Variants in FRY observed in about 807,000 individuals in gnomAD.
FRY encodes FRY microtubule binding protein.
Under a neutral mutation model 348.4 loss-of-function variants are expected in FRY, and 128 were observed. The observed-to-expected ratio is 0.37, with a 90% CI of 0.32 to 0.43. FRY has a LOEUF of 0.43. Among genes scored for constraint, FRY ranks in the 20% least tolerant of loss-of-function variants. The pLI is 1.00. For missense variants in FRY, 2,736 were observed against 3,695.2 expected, an observed-to-expected ratio of 0.74 and a Z score of 6.73; for synonymous variants, 1,370 against 1,374.7, an observed-to-expected ratio of 1.00 and a Z score of 0.08.
intron 42 of FRY, 69 bp from the exon 43 acceptor site, chr13:32,236,009 T>C (rs2138449602): frequency 1.8e-6 from 2 of 1,091,038 alleles, no homozygotes; most frequent in African/African-American, 3.1e-5. Context: ...TTTACATTAA[T>C]TAAATTTATC....
intron 1 of FRY, among the ~76,000 whole-genome samples, chr13:32,067,215 C>T (rs532257703): frequency 5.9e-5 from 9 of 152,290 alleles, no homozygotes; most frequent in South Asian, 2.1e-4. Context: ...CTCTTCCCTA[C>T]GTATCAGAAT....
chr13:32,185,905 G>A (rs945013692), intron 26 of FRY, among the ~76,000 whole-genome samples: 7 of 152,126 alleles, frequency 4.6e-5, no homozygotes, highest in Non-Finnish European at 7.4e-5. Flanking sequence ...TGCTATTTCC[G>A]AGTTCTCTTA....
intron 15 of FRY, among the ~76,000 whole-genome samples, chr13:32,156,222 T>C (rs1490207151): frequency 5.9e-5 from 9 of 152,252 alleles, no homozygotes; most frequent in African/African-American, 1.9e-4. Flanking sequence ...TTAAGATAGT[T>C]ACTGGATTCT....
intron 3 of FRY, among the ~76,000 whole-genome samples, chr13:32,104,509 A>G (rs1165183709): frequency 6.6e-6 from 1 of 152,210 alleles, no homozygotes; most frequent in East Asian, 1.9e-4. Flanking sequence ...GTGTGAACCA[A>G]TAGTAAGATG....
At chr13:32,215,776 C>T (rs1204214631) in intron 35 of FRY, among the ~76,000 whole-genome samples, 1 of 152,136 alleles carries the variant, frequency 6.6e-6, no homozygotes, top group Non-Finnish European at 1.5e-5. Context: ...CACTATGTTG[C>T]CCAGGCTGGT....
intron 2 of FRY, chr13:32,086,041 C>T (rs779366602): frequency 1.8e-5 from 9 of 513,100 alleles, no homozygotes; most frequent in African/African-American, 1.5e-4. Context: ...GCGGTAAAAC[C>T]AGAGATTTGA....
intron 8 of FRY, among the ~76,000 whole-genome samples, chr13:32,133,235 C>T (rs1879482869): frequency 6.6e-6 from 1 of 152,180 alleles, no homozygotes; most frequent in Middle Eastern, 3.4e-3. Flanking sequence ...ATTGGGGGGA[C>T]TATGTATCAA....
intron 56 of FRY, among the ~76,000 whole-genome samples, chr13:32,275,536 C>T (rs191781680): frequency 6.6e-6 from 1 of 152,332 alleles, no homozygotes; most frequent in East Asian, 1.9e-4. Context: ...AATCCACCAC[C>T]TCTGCTCCGT....
chr13:32,179,556 G>A (rs757957577), intron 22 of FRY, 119 bp from the exon 23 acceptor site: 1 of 595,090 alleles, frequency 1.7e-6, no homozygotes, highest in Admixed American at 2.3e-5. Flanking sequence ...CTGAAATGAT[G>A]GCAGTGCCTT....
Position 32,116,730 on chromosome 13 carries a change from A to G in FRY, c.325-604A>G, listed in dbSNP as rs1593630890. On this transcript the variant is annotated intron_variant, in intron 3 of 60. Transcript: ENST00000542859. ...TTCCAGATAAGGAAATTAGAATAAC[A>G]ATTCTACCAAAGGCACATTTGTTCT... 2.0e-5 allele frequency among the ~76,000 whole-genome samples: 3 copies of G among 152,288 alleles called. No homozygotes were observed. The South Asian group carries it at 6.2e-4, about 32-fold the overall frequency.
intron 41 of FRY, among the ~76,000 whole-genome samples, chr13:32,233,390 C>T (rs1028851471): frequency 5.0e-4 from 76 of 152,292 alleles, no homozygotes; most frequent in African/African-American, 1.8e-3. Context: ...CAGAGAGGCA[C>T]AGCAAGTATA....
At chr13:32,115,741 T>C (rs917334016) in intron 3 of FRY, among the ~76,000 whole-genome samples, 8 of 152,072 alleles carry the variant, frequency 5.3e-5, no homozygotes, top group Non-Finnish European at 1.0e-4. Flanking sequence ...CTTTCTAAAA[T>C]AGTCCCAGGT....
At chr13:32,139,498 G>A (rs142728558) in intron 11 of FRY, among the ~76,000 whole-genome samples, 63 of 152,282 alleles carry the variant, frequency 4.1e-4, no homozygotes, top group Admixed American at 3.1e-3. Flanking sequence ...AGAAGTGTGC[G>A]TGAGCGTGAA....
chr13:32,164,799 C>A, intron 17 of FRY, among the ~76,000 whole-genome samples: 1 of 152,162 alleles, frequency 6.6e-6, no homozygotes, highest in East Asian at 1.9e-4. Context: ...CCCTTGGCAG[C>A]CGCCATCTTT....
chr13:32,184,768 G>T, intron 25 of FRY, 77 bp downstream of exon 25: 1 of 1,051,150 alleles, frequency 9.5e-7, no homozygotes, highest in South Asian at 1.3e-5. Flanking sequence ...TCTCTCTTTT[G>T]TCTTTTCTTT....
intron 53 of FRY, among the ~76,000 whole-genome samples, chr13:32,264,698 G>C (rs1887830653): frequency 6.6e-6 from 1 of 152,174 alleles, no homozygotes; most frequent in Non-Finnish European, 1.5e-5. Flanking sequence ...GCCTGCCCTA[G>C]AGCCCTTTCA....
chr13:32,259,679 T>G (rs1345594764), intron 51 of FRY, among the ~76,000 whole-genome samples: 1 of 152,220 alleles, frequency 6.6e-6, no homozygotes, highest in East Asian at 1.9e-4. Flanking sequence ...TTCACATTCT[T>G]CTCTTTTTAC....
intron 3 of FRY, among the ~76,000 whole-genome samples, chr13:32,113,324 T>C (rs1878087361): frequency 6.6e-6 from 1 of 152,218 alleles, no homozygotes; most frequent in Non-Finnish European, 1.5e-5. Flanking sequence ...AAATATGGAA[T>C]GACTCCACTG....
chr13:32,234,817 G>A lies in FRY; in HGVS notation c.5715+56G>A, dbSNP rs1886136929. ...AGGATGAGCTCTCTCATCTCAATGA[G>A]GTGTAAACTATTTTTGAGCCTTTCT... On this transcript the variant is annotated intron_variant, in intron 42 of 60. Transcript: ENST00000542859. 7.4e-6 allele frequency: 10 copies of A among 1,347,174 alleles called. No homozygotes were observed. The Admixed American group carries it at 1.5e-4, about 20-fold the overall frequency. The allele number at this position is 1,347,174 out of a possible 1,614,324, so 83.5% of individuals were successfully genotyped here.
Sources: gnomAD v4.1 joint callset for allele counts (sites outside exome capture counted in the v4.1 genomes callset) on GRCh38, gnomAD v4.1.1 for gene constraint, MANE v1.5 for transcripts, NCBI Gene and HGNC (gene_info 2026-07-23, HGNC 2026-07-21) for gene names.